The following MACF1 variants were observed in gnomAD, a reference collection of about 807,000 sequenced individuals.
MACF1 encodes the protein microtubule-actin cross-linking factor 1.
Under a neutral mutation model 854.8 loss-of-function variants are expected in MACF1, and 193 were observed. That is an observed-to-expected ratio of 0.23 (90% CI 0.20 to 0.25). The LOEUF is 0.25. Among genes scored for constraint, MACF1 ranks in the 10% least tolerant of loss-of-function variants. The pLI is 1.00. For missense variants in MACF1, 7,722 were observed against 8,929.1 expected (o/e 0.86, Z 5.45); for synonymous variants, 3,185 against 3,226.7 (o/e 0.99, Z 0.44).
chr1:39,387,950 T>A lies in MACF1; in HGVS notation c.15108T>A (p.Phe5036Leu). 1 of 1,614,024 alleles carries A rather than the reference T, an allele frequency of 6.2e-7. No homozygotes were observed. Among genetic ancestry groups the A allele is most frequent in the Non-Finnish European group, 8.5e-7 (1 of 1,180,018 alleles). Reference sequence around the variant, plus strand: ...GAGCCAAACACCAACTTGAGATCTTTGATGCTCTGGGTTCTCAAGCCTGTA... The same window carrying A: ...GAGCCAAACACCAACTTGAGATCTTAGATGCTCTGGGTTCTCAAGCCTGTA... ...VEGAKHQLEI[F>L]DALGSQACSN... is the part of the protein sequence containing the mutation. The change falls in exon 58 of 101, where the codon TTT (phenylalanine) becomes TTA (leucine). Residue 5036 changes from phenylalanine (F) to leucine (L), a missense_variant. By Grantham distance (22) the Phe-to-Leu change is conservative. This residue lies in a region of MACF1 where 2,807 missense variants were observed against 3,235.8 expected (regional missense o/e 0.87). Transcript: ENST00000564288.
intron 56 of MACF1, among the ~76,000 whole-genome samples, chr1:39,384,106 A>C (rs1204020149): frequency 1.3e-5 from 2 of 152,054 alleles, no homozygotes; most frequent in East Asian, 3.9e-4. Context: ...CCCTCCCCTG[A>C]AGTGCCTTTC....
intron 2 of MACF1, among the ~76,000 whole-genome samples, chr1:39,184,595 C>T (rs894919048): frequency 7.9e-5 from 12 of 151,954 alleles, no homozygotes; most frequent in East Asian, 1.9e-4. Flanking sequence ...TAAGGTGAGG[C>T]GGAGTGTGGT....
chr1:39,354,634 A>T (rs1038271205), intron 44 of MACF1, among the ~76,000 whole-genome samples: 2 of 151,934 alleles, frequency 1.3e-5, no homozygotes, highest in Non-Finnish European at 2.9e-5. Context: ...CAAACTCCTG[A>T]CCTCGGGTGA....
chr1:39,297,078 C>T (rs889350486), intron 20 of MACF1, among the ~76,000 whole-genome samples: 1 of 151,952 alleles, frequency 6.6e-6, no homozygotes, highest in Admixed American at 6.6e-5. Context: ...CGCCCACCAC[C>T]ACGCCCGGCT....
rs142167964 is a variant in MACF1, at chr1:39,474,359, G to A, written c.21958+4744G>A. ...AGCCGAGACTATGCCACTGCACTCC[G>A]TCCTAGGCAATAGAGGGAGACTCTG... is the stretch of plus-strand genomic sequence containing the variant. On this transcript the variant is annotated intron_variant, in intron 97 of 100. Coordinates refer to ENST00000564288, the MANE Select transcript of MACF1 (RefSeq NM_001394062.1). Among the ~76,000 whole-genome samples, 675 of 150,614 alleles carry A rather than the reference G, an allele frequency of 4.5e-3. 4 individuals carry two copies. Among genetic ancestry groups the A allele is most frequent in the African/African-American group, 0.016 (638 of 40,944 alleles).
intron 40 of MACF1, among the ~76,000 whole-genome samples, chr1:39,344,896 T>A (rs1050512050): frequency 6.6e-6 from 1 of 152,072 alleles, no homozygotes; most frequent in Non-Finnish European, 1.5e-5. Flanking sequence ...TGCAACCAAT[T>A]ATTATTTTAG....
intron 2 of MACF1, among the ~76,000 whole-genome samples, chr1:39,107,359 G>C (rs902646456): frequency 6.6e-5 from 10 of 151,876 alleles, no homozygotes; most frequent in African/African-American, 2.4e-4. Context: ...CACTCAGTTT[G>C]GCTTTCCTCT....
At chr1:39,359,085 A>G (rs1400354786) in intron 46 of MACF1, 56 bp from the exon 47 acceptor site, 2 of 1,603,906 alleles carry the variant, frequency 1.2e-6, no homozygotes, top group Non-Finnish European at 8.5e-7. Flanking sequence ...CCGGATTCCT[A>G]GAATCATCTT....
At chr1:39,149,616 C>T (rs771949783) in intron 2 of MACF1, among the ~76,000 whole-genome samples, 18 of 151,896 alleles carry the variant, frequency 1.2e-4, no homozygotes, top group Non-Finnish European at 2.2e-4. Flanking sequence ...AGGAAAGATA[C>T]GGATTCACTT....
In MACF1 at chr1:39,387,381, A is replaced by C; in HGVS notation, c.14539A>C (p.Ser4847Arg). The change falls in exon 58 of 101, where the codon AGT (serine) becomes CGT (arginine). Residue 4847 changes from serine (S) to arginine (R), a missense_variant. Around this residue, in one of 15 missense-constraint regions of MACF1, gnomAD observed 2,807 missense variants for 3,235.8 expected, o/e 0.87. Coordinates refer to ENST00000564288, the MANE Select transcript of MACF1 (RefSeq NM_001394062.1). Reference protein sequence around the residue: ...EEFQKSLNQHSGSYEVIVAEG... With the variant: ...EEFQKSLNQHRGSYEVIVAEG... The stretch of plus-strand genomic sequence containing the variant: ...GTTTCAGAAAAGTCTTAATCAACAC[A>C]GTGGCTCCTATGAGGTGATTGTGGC... 6.2e-7 allele frequency: 1 copy of C among 1,614,204 alleles called. No individual in the cohort carries two copies.
chr1:39,456,689 A>T (rs79390111), intron 89 of MACF1: 1 of 151,946 alleles, frequency 6.6e-6, no homozygotes, highest in Non-Finnish European at 1.5e-5. Flanking sequence ...CTCCCTGTTT[A>T]TTCTTTTCTC....
In MACF1 at chr1:39,336,082, C is replaced by T. The variant is rs756773515; in HGVS notation, c.9494C>T (p.Ser3165Phe). 1.2e-6 allele frequency: 2 copies of T among 1,613,896 alleles called. No homozygotes were observed. Among genetic ancestry groups the T allele is most frequent in the Non-Finnish European group, 1.7e-6 (2 of 1,179,970 alleles). Residue 3165 changes from serine (S) to phenylalanine (F), a missense_variant, in exon 37 of 101, where the codon TCT (serine) becomes TTT (phenylalanine). Around this residue, in one of 15 missense-constraint regions of MACF1, gnomAD observed 854 missense variants for 852.6 expected, o/e 1.00. Transcript: ENST00000564288. ...TKETKHQISS[S>F]NECKEKSYQE... ...GAAACCAAACATCAAATTTCCTCAT[C>T]TAATGAATGTAAAGAAAAGTCATAC...
intron 30 of MACF1, 98 bp from the exon 31 acceptor site, chr1:39,319,566 G>C: frequency 1.3e-6 from 1 of 792,598 alleles, no homozygotes; most frequent in Non-Finnish European, 2.1e-6. Context: ...TTCTGATGCA[G>C]CTAAGGTTTG....
chr1:39,475,961 G>GA (rs1457422790), intron 97 of MACF1, among the ~76,000 whole-genome samples: 1 of 152,164 alleles, frequency 6.6e-6, no homozygotes, highest in Non-Finnish European at 1.5e-5. Context: ...AGGCGTCCTT[G>GA]AAGCCAGGGG....
chr1:39,360,012 A>AAATATAT (rs1557608845), intron 47 of MACF1, among the ~76,000 whole-genome samples: 4 of 28,836 alleles, frequency 1.4e-4, no homozygotes, highest in Non-Finnish European at 2.5e-4. Context: ...AAAAAAAAAA[A>AAATATAT]ATATATATAT....
chr1:39,145,871 A>G (rs191025640), intron 2 of MACF1, among the ~76,000 whole-genome samples: 6 of 152,308 alleles, frequency 3.9e-5, no homozygotes, highest in Admixed American at 1.3e-4. Flanking sequence ...CCAAACTTGT[A>G]TTTCCAAATG....
intron 37 of MACF1, 111 bp from the exon 38 acceptor site, chr1:39,337,071 C>A: frequency 1.1e-6 from 1 of 935,452 alleles, no homozygotes; most frequent in Admixed American, 2.4e-5. Flanking sequence ...TTATCCCACT[C>A]TATGTGCAGT....
chr1:39,365,196 C>T (rs1165192838), intron 49 of MACF1, among the ~76,000 whole-genome samples: 1 of 152,162 alleles, frequency 6.6e-6, no homozygotes, highest in African/African-American at 2.4e-5. Flanking sequence ...CTGCCTCAAC[C>T]TCCCAAGTAG....
chr1:39,436,349 G>T, intron 70 of MACF1: 1 of 873,516 alleles, frequency 1.1e-6, no homozygotes, highest in African/African-American at 1.7e-5. Context: ...ACTTACTCAA[G>T]TTTCTCCCCC....
Sources: gnomAD v4.1 joint callset for allele counts (sites outside exome capture counted in the v4.1 genomes callset) on GRCh38, gnomAD v4.1.1 for gene constraint, gnomAD v4.1.1 regional missense constraint, MANE v1.5 for transcripts, NCBI Gene and HGNC (gene_info 2026-07-23, HGNC 2026-07-21) for gene names.